Variants in SDK1 observed in about 807,000 individuals in gnomAD.
The protein encoded by SDK1 is sidekick cell adhesion molecule 1, also known as protein sidekick-1.
Under a neutral mutation model 245.5 loss-of-function variants are expected in SDK1, and 157 were observed. That is an observed-to-expected ratio of 0.64 (90% confidence interval 0.56 to 0.73). The LOEUF is 0.73. Among genes scored for constraint, SDK1 ranks in the 30% least tolerant of loss-of-function variants. The pLI, the probability that SDK1 is intolerant of heterozygous loss-of-function variation, is 0.00. For synonymous variants in SDK1, 1,647 were observed against 1,278.5 expected (o/e 1.29, Z -6.15); for missense variants, 3,583 against 3,002.3 (o/e 1.19, Z -4.52).
At chr7:3,536,298 C>G (rs578027526) in intron 1 of SDK1, among the ~76,000 whole-genome samples, 2 of 151,864 alleles carry the variant, frequency 1.3e-5, no homozygotes, top group Non-Finnish European at 2.9e-5. Context: ...GATCTCCTGA[C>G]CTTGTGATCT....
intron 28 of SDK1, among the ~76,000 whole-genome samples, chr7:4,135,001 T>A (rs1034101747): frequency 6.6e-6 from 1 of 152,194 alleles, no homozygotes; most frequent in Admixed American, 6.5e-5. Flanking sequence ...ATGTCCTCTG[T>A]AGCCCCGGGT....
At chr7:4,053,270 G>A (rs571650924) in intron 19 of SDK1, among the ~76,000 whole-genome samples, 1 of 152,046 alleles carries the variant, frequency 6.6e-6, no homozygotes, top group Non-Finnish European at 1.5e-5. Flanking sequence ...CGCACTCCCA[G>A]CAGGTGACAT....
At chr7:4,132,460 GCCTGTCATC>G (rs1562859259) in intron 28 of SDK1, 37 bp downstream of exon 28, 1 of 1,480,138 alleles carries the variant, frequency 6.8e-7, no homozygotes, top group Non-Finnish European at 9.3e-7. Context: ...GGTGGCTCAG[GCCTGTCATC>G]CCAGCACCTT....
At chr7:4,235,955 G>A (rs949686104) in intron 41 of SDK1, among the ~76,000 whole-genome samples, 3 of 152,382 alleles carry the variant, frequency 2.0e-5, no homozygotes, top group Admixed American at 2.0e-4. Context: ...GTTGCCCGGT[G>A]GTGTAAGTGT....
chr7:4,245,622 G>A (rs182186656), intron 43 of SDK1, 54 bp from the exon 44 acceptor site: 62 of 1,595,702 alleles, frequency 3.9e-5, no homozygotes, highest in Admixed American at 3.2e-4. Flanking sequence ...GGAGTCCTCC[G>A]GGGAAGGGCG....
chr7:4,169,416 G>T (rs563380770), intron 32 of SDK1, among the ~76,000 whole-genome samples: 83 of 152,254 alleles, frequency 5.5e-4, no homozygotes, highest in Non-Finnish European at 1.0e-3. Flanking sequence ...CGTCTAGTGG[G>T]GCTACACCAG....
intron 4 of SDK1, among the ~76,000 whole-genome samples, chr7:3,749,608 C>G (rs1433510152): frequency 6.6e-6 from 1 of 152,210 alleles, no homozygotes; most frequent in Non-Finnish European, 1.5e-5. Context: ...CGAACATCAC[C>G]TCTTAATCTG....
chr7:4,036,607 C>T (rs1162268775), intron 17 of SDK1, among the ~76,000 whole-genome samples: 2 of 152,146 alleles, frequency 1.3e-5, no homozygotes, highest in East Asian at 1.9e-4. Context: ...TAGTGTCCCT[C>T]CAAAATGTGT....
chr7:3,951,073 T>G, intron 6 of SDK1, 39 bp downstream of exon 6: 1 of 1,421,004 alleles, frequency 7.0e-7, no homozygotes, highest in Non-Finnish European at 1.0e-6. Flanking sequence ...TAGTAAATAT[T>G]CCATGACCTG....
In SDK1 at chr7:4,145,801, G is replaced by A; in HGVS notation, c.4308G>A (p.Gln1436=). ...TGGAGGTCGGCGCCACAGTGAGGCA[G>A]TTCACAGCCACCGACCTGGCCCCGG... is the stretch of plus-strand genomic sequence containing the variant. ...TTVEVGATVR[Q]FTATDLAPES... Residue 1436 remains glutamine (Q), a synonymous_variant, in exon 29 of 45, where the codon CAG becomes CAA. Coordinates refer to ENST00000404826, the MANE Select transcript of SDK1 (RefSeq NM_152744.4). 1.9e-6 allele frequency: 3 copies of A among 1,613,924 alleles called. No individual in the cohort carries two copies. Among genetic ancestry groups the A allele is most frequent in the Non-Finnish European group, 2.5e-6 (3 of 1,179,950 alleles).
At position 3,531,259 on chromosome 7, in the gene SDK1, T is replaced by C. The variant is rs372058775; in HGVS notation, c.299-87821T>C. On this transcript the variant is annotated intron_variant, in intron 1 of 44. Coordinates refer to ENST00000404826, the MANE Select transcript of SDK1 (RefSeq NM_152744.4). ...ATCGAGCATATTTGGGGTTGATCTT[T>C]ATCTGTACGCTATGCTAATGCTTAA... Among the ~76,000 whole-genome samples, 24 of 152,328 alleles carry C rather than the reference T, an allele frequency of 1.6e-4. No individual in the cohort carries two copies. In the East Asian group the frequency reaches 3.9e-3, roughly 24 times the overall value.
intron 4 of SDK1, among the ~76,000 whole-genome samples, chr7:3,736,660 T>C (rs1434967150): frequency 6.6e-6 from 1 of 152,188 alleles, no homozygotes; most frequent in Non-Finnish European, 1.5e-5. Context: ...TACTGAGGTA[T>C]AGTCATATAT....
intron 38 of SDK1, among the ~76,000 whole-genome samples, chr7:4,215,398 C>A (rs1441923124): frequency 6.6e-6 from 1 of 152,236 alleles, no homozygotes; most frequent in African/African-American, 2.4e-5. Context: ...CTTCAGCCAG[C>A]GGGACAATAG....
At chr7:3,799,040 C>T (rs1375637650) in intron 4 of SDK1, among the ~76,000 whole-genome samples, 1 of 152,124 alleles carries the variant, frequency 6.6e-6, no homozygotes. Context: ...GTCTCTTCGC[C>T]TTCAATTATT....
chr7:3,965,842 A>G (rs1782044490), intron 9 of SDK1, among the ~76,000 whole-genome samples: 1 of 151,588 alleles, frequency 6.6e-6, no homozygotes, highest in Non-Finnish European at 1.5e-5. Context: ...AGGAGTGTGA[A>G]CTCTTGGGGA....
At chr7:3,305,342 T>C (rs1180385820) in intron 1 of SDK1, among the ~76,000 whole-genome samples, 2 of 152,206 alleles carry the variant, frequency 1.3e-5, no homozygotes, top group African/African-American at 4.8e-5. Flanking sequence ...TTATTTTTTA[T>C]TTTTAATCCT....
chr7:3,327,416 A>G (rs1419744763), intron 1 of SDK1, among the ~76,000 whole-genome samples: 1 of 152,126 alleles, frequency 6.6e-6, no homozygotes, highest in African/African-American at 2.4e-5. Context: ...ATTTATATAC[A>G]GCTGCTGGAA....
At chr7:3,978,745 CA>C (rs1019553833) in intron 13 of SDK1, among the ~76,000 whole-genome samples, 5 of 150,072 alleles carry the variant, frequency 3.3e-5, no homozygotes, top group Non-Finnish European at 5.9e-5. Context: ...CTCAGATAAC[CA>C]AAAAAAAAGC....
At chr7:3,515,470 C>G (rs1478324885) in intron 1 of SDK1, among the ~76,000 whole-genome samples, 1 of 152,114 alleles carries the variant, frequency 6.6e-6, no homozygotes, top group Non-Finnish European at 1.5e-5. Flanking sequence ...TAATTTCTAA[C>G]TCTGTAACTT....
Sources: allele counts gnomAD v4.1 joint callset (sites outside exome capture counted in the v4.1 genomes callset), GRCh38; gene constraint gnomAD v4.1.1; transcripts MANE v1.5; gene names NCBI Gene and HGNC (gene_info 2026-07-23, HGNC 2026-07-21).